Variants in ABCC11 observed in about 807,000 individuals in gnomAD.
The protein encoded by ABCC11 is ATP binding cassette subfamily C member 11.
ABCC11 carries 135 observed loss-of-function variants against 149.3 expected under a neutral mutation model. The observed-to-expected ratio is 0.90, with a 90% CI of 0.79 to 1.04. The LOEUF (loss-of-function observed/expected upper bound fraction) is 1.04. ABCC11 is among the 50% of genes least tolerant of loss of function. The probability of loss-of-function intolerance (pLI) is 0.00; values close to 1 mark genes in which losing one functional copy is unlikely to be tolerated. For synonymous variants in ABCC11, 665 were observed against 671.4 expected (o/e 0.99, Z 0.15); for missense variants, 1,680 against 1,722.1 (o/e 0.98, Z 0.43).
intron 4 of ABCC11, among the ~76,000 whole-genome samples, chr16:48,226,226 C>T (rs1269210346): frequency 6.8e-6 from 1 of 147,434 alleles, no homozygotes; most frequent in African/African-American, 2.5e-5. Flanking sequence ...TCTTTTGTTT[C>T]TTGCAACAAT....
intron 1 of ABCC11, among the ~76,000 whole-genome samples, chr16:48,240,126 A>T (rs1455374027): frequency 2.0e-5 from 3 of 152,230 alleles, no homozygotes; most frequent in African/African-American, 7.2e-5. Flanking sequence ...CAATTCCTCA[A>T]AGATCTAGAG....
chr16:48,206,032 G>A (rs1968419338), intron 12 of ABCC11, among the ~76,000 whole-genome samples: 1 of 152,086 alleles, frequency 6.6e-6, no homozygotes, highest in South Asian at 2.1e-4. Flanking sequence ...GGATGGTCTC[G>A]ATCTCCTGAC....
chr16:48,229,826 C>T (rs1970317216), intron 3 of ABCC11, among the ~76,000 whole-genome samples: 1 of 152,210 alleles, frequency 6.6e-6, no homozygotes, highest in South Asian at 2.1e-4. Flanking sequence ...GCAGCCTCAC[C>T]TCATGCCACA....
chr16:48,167,144 T>TA lies in ABCC11; in HGVS notation c.*129dup, dbSNP rs1965377963. On this transcript the variant is annotated 3_prime_UTR_variant, in exon 30 of 30. Coordinates refer to ENST00000356608, the MANE Select transcript of ABCC11 (RefSeq NM_001370497.1). ...TCCATCCAGCAATCCCCACCCCCCC[T>TA]ACATTTACCCCTGCTTCCAGGAGAA... is the stretch of plus-strand genomic sequence containing the variant. The TA allele has an allele frequency of 6.0e-4, 164 of 271,838 alleles. 1 individual carries two copies. Among genetic ancestry groups the TA allele is most frequent in the South Asian group, 5.0e-3 (162 of 32,390 alleles). 16.8% of individuals were successfully genotyped at this position (271,838 alleles called of 1,614,324 possible). A position where few individuals can be genotyped will look rare whatever the true frequency, so the allele number is the denominator to read the frequency against.
At chr16:48,207,955 A>C (rs1048110208) in intron 12 of ABCC11, among the ~76,000 whole-genome samples, 2 of 150,814 alleles carry the variant, frequency 1.3e-5, no homozygotes, top group Non-Finnish European at 3.0e-5. Context: ...CTCCCCCCAC[A>C]TTTCTCTTCC....
chr16:48,243,451 A>ACAC (rs1971120525), intron 1 of ABCC11, among the ~76,000 whole-genome samples: 4 of 151,838 alleles, frequency 2.6e-5, no homozygotes, highest in African/African-American at 9.7e-5. Flanking sequence ...AGATTAGAGA[A>ACAC]CACCTAGGAG....
chr16:48,167,630 T>A lies in ABCC11; in HGVS notation c.3922A>T (p.Ile1308Phe), dbSNP rs1175073786. 2 of 1,614,004 alleles carry A rather than the reference T, an allele frequency of 1.2e-6. No homozygotes were observed. Among genetic ancestry groups the A allele is most frequent in the Non-Finnish European group, 1.7e-6 (2 of 1,180,022 alleles). ...ATCAGGGTGTCTGTCTCCATGTCAATGGAGGCTGTGGCTTCATCGATAAGG... is the reference window on the plus strand; with the variant it reads ...ATCAGGGTGTCTGTCTCCATGTCAAAGGAGGCTGTGGCTTCATCGATAAGG... ...IILIDEATASIDMETDTLIQR... is the reference protein window; with the variant it reads ...IILIDEATASFDMETDTLIQR... Residue 1308 changes from isoleucine to phenylalanine, a missense_variant, in exon 29 of 30, where the codon ATT becomes TTT. Coordinates refer to ENST00000356608, the MANE Select transcript of ABCC11 (RefSeq NM_001370497.1).
intron 1 of ABCC11, among the ~76,000 whole-genome samples, chr16:48,237,657 G>A (rs192122031): frequency 2.8e-4 from 42 of 152,246 alleles, no homozygotes; most frequent in African/African-American, 9.4e-4. Context: ...TTTAGAGTAA[G>A]ACCCAAACTC....
At position 48,176,963 on chromosome 16, in the gene ABCC11, C is replaced by T. The variant is rs746761722; in HGVS notation, c.3499G>A (p.Gly1167Ser). The change falls in exon 25 of 30, where the codon GGC (glycine) becomes AGC (serine). Residue 1167 changes from glycine (G) to serine (S), a missense_variant. Physicochemically the swap from Gly to Ser is moderately conservative, Grantham distance 56. Transcript: ENST00000356608. ...VLHGINLTIR[G>S]HEVVGIVGRT... ...CCCACGATGCCCACCACTTCGTGGC[C>T]GCGGATGGTCAGGTTGATGCCGTGA... 1.4e-5 allele frequency: 23 copies of T among 1,613,980 alleles called. No homozygotes were observed. Among genetic ancestry groups the T allele is most frequent in the Middle Eastern group, 3.3e-4 (2 of 6,056 alleles).
chr16:48,237,900 C>G (rs1970766665), intron 1 of ABCC11, among the ~76,000 whole-genome samples: 1 of 152,190 alleles, frequency 6.6e-6, no homozygotes, highest in Admixed American at 6.5e-5. Context: ...GGGCTCAGTT[C>G]AAATGTCGTC....
At position 48,196,261 on chromosome 16, in the gene ABCC11, A is replaced by G; in HGVS notation, c.2375T>C (p.Val792Ala). The G allele has an allele frequency of 6.2e-7, 1 of 1,613,954 alleles. No individual in the cohort carries two copies. The highest frequency in any genetic ancestry group is 8.5e-7 in the Non-Finnish European group (1 of 1,179,998). The change falls in exon 18 of 30, where the codon GTC (valine) becomes GCC (alanine). Residue 792 changes from valine (V) to alanine (A), a missense_variant. By Grantham distance (64) the Val-to-Ala change is moderately conservative (BLOSUM62 0). Coordinates refer to ENST00000356608, the MANE Select transcript of ABCC11 (RefSeq NM_001370497.1). Reference protein sequence around the residue: ...EMEEGSLSWRVYHHYIQAAGG... With the variant: ...EMEEGSLSWRAYHHYIQAAGG... The stretch of plus-strand genomic sequence containing the variant: ...AGCTGCCTGGATGTAGTGGTGGTAG[A>G]CCCTCCAACTCAAGGAGCCTTCTTC...
At chr16:48,215,097 C>G in intron 8 of ABCC11, 68 bp from the exon 9 acceptor site, 1 of 1,588,252 alleles carries the variant, frequency 6.3e-7, no homozygotes, top group Non-Finnish European at 8.6e-7. Context: ...ACAGCACCAT[C>G]CCCAAAGCAT....
intron 20 of ABCC11, among the ~76,000 whole-genome samples, chr16:48,188,560 C>T (rs561092346): frequency 5.3e-5 from 8 of 152,292 alleles, no homozygotes; most frequent in South Asian, 2.1e-4. Context: ...TGAGGCCTTT[C>T]GGAGATCAAA....
intron 12 of ABCC11, 99 bp downstream of exon 12, chr16:48,208,326 T>C (rs988082056): frequency 3.9e-5 from 51 of 1,313,204 alleles, no homozygotes; most frequent in Non-Finnish European, 5.3e-5. Flanking sequence ...CAGACCCCTG[T>C]GAGGAAGAAA....
intron 20 of ABCC11, among the ~76,000 whole-genome samples, chr16:48,192,203 G>T (rs1255695466): frequency 5.9e-5 from 9 of 152,066 alleles, no homozygotes; most frequent in Non-Finnish European, 4.4e-5. Flanking sequence ...CAGCACTTTG[G>T]GGGGCCGAGG....
intron 26 of ABCC11, among the ~76,000 whole-genome samples, chr16:48,173,282 A>C (rs1965832538): frequency 6.6e-6 from 1 of 152,034 alleles, no homozygotes; most frequent in African/African-American, 2.4e-5. Context: ...AGGTGGGGGG[A>C]AATATCACAA....
rs761021001 is a variant in ABCC11 at position 48,187,041 on chromosome 16, G to C, written c.2983C>G (p.Arg995Gly). ...AGGATGTGGGAGAATAAAGGAGACC[G>C]GCTATAGTTCTCCAGTCTCTTGAAC... ...GVFKRLENYSRSPLFSHILNS... is the reference protein window; with the variant it reads ...GVFKRLENYSGSPLFSHILNS... The change falls in exon 22 of 30, where the codon CGG becomes GGG. Residue 995 changes from arginine to glycine, a missense_variant. Coordinates refer to ENST00000356608, the MANE Select transcript of ABCC11 (RefSeq NM_001370497.1). The C allele has an allele frequency of 6.2e-7, 1 of 1,614,122 alleles. No homozygotes were observed. Among genetic ancestry groups the C allele is most frequent in the Admixed American group, 1.7e-5 (1 of 60,022 alleles).
intron 19 of ABCC11, among the ~76,000 whole-genome samples, 167 bp from the exon 20 acceptor site, chr16:48,192,884 C>T (rs1303850185): frequency 6.6e-6 from 1 of 152,176 alleles, no homozygotes; most frequent in East Asian, 1.9e-4. Flanking sequence ...CCCTTCATTC[C>T]CACTGCCCTG....
At chr16:48,233,029 G>A (rs1970507823) in intron 1 of ABCC11, among the ~76,000 whole-genome samples, 1 of 151,954 alleles carries the variant, frequency 6.6e-6, no homozygotes, top group African/African-American at 2.4e-5. Context: ...GCGAAACCCT[G>A]TCTCTACCAA....
Sources: allele counts gnomAD v4.1 joint callset (sites outside exome capture counted in the v4.1 genomes callset), GRCh38; gene constraint gnomAD v4.1.1; transcripts MANE v1.5; gene names NCBI Gene and HGNC (gene_info 2026-07-23, HGNC 2026-07-21).